LDLRAD3: variants seen among roughly 807,000 people sequenced by gnomAD.
The protein encoded by LDLRAD3 is low-density lipoprotein receptor class A domain-containing protein 3.
In LDLRAD3, 20 loss-of-function variants were observed where a neutral mutation model predicts 29.4. That is an observed-to-expected ratio of 0.68 (90% CI 0.48 to 0.99). The LOEUF (loss-of-function observed/expected upper bound fraction) is 0.99, where lower values mean the gene tolerates loss of function less well. Ranked by LOEUF, LDLRAD3 falls within the 50% of genes least tolerant of loss-of-function variation. The pLI is 0.00. For missense variants in LDLRAD3, 420 were observed against 454.3 expected (o/e 0.92, Z 0.69); for synonymous variants, 157 against 192.7 (o/e 0.81, Z 1.53).
intron 4 of LDLRAD3, among the ~76,000 whole-genome samples, chr11:36,211,774 C>G (rs2133382062): frequency 6.6e-6 from 1 of 152,304 alleles, no homozygotes; most frequent in Admixed American, 6.5e-5. Context: ...AGATTTTTCT[C>G]TCTCCAGTTT....
At chr11:36,214,379 A>G (rs918523565) in intron 4 of LDLRAD3, among the ~76,000 whole-genome samples, 3 of 152,188 alleles carry the variant, frequency 2.0e-5, no homozygotes, top group African/African-American at 7.2e-5. Context: ...GTCTGCCTGC[A>G]CTGGCCCCAC....
intron 3 of LDLRAD3, among the ~76,000 whole-genome samples, chr11:36,087,327 G>T (rs902335094): frequency 6.6e-6 from 1 of 152,150 alleles, no homozygotes; most frequent in African/African-American, 2.4e-5. Flanking sequence ...TTAATTGTAA[G>T]AATGATATTG....
chr11:36,151,193 A>G (rs941316396), intron 4 of LDLRAD3, among the ~76,000 whole-genome samples: 22 of 152,160 alleles, frequency 1.4e-4, no homozygotes, highest in African/African-American at 5.1e-4. Flanking sequence ...TCATGCTCAT[A>G]TCTGGGAATG....
chr11:36,012,318 A>AT (rs1554956812), intron 1 of LDLRAD3, among the ~76,000 whole-genome samples: 1 of 152,210 alleles, frequency 6.6e-6, no homozygotes, highest in Non-Finnish European at 1.5e-5. Flanking sequence ...ACTAGCACAA[A>AT]TTCTTTTTCC....
At chr11:36,076,631 C>G (rs1173408762) in intron 2 of LDLRAD3, among the ~76,000 whole-genome samples, 2 of 152,154 alleles carry the variant, frequency 1.3e-5, no homozygotes, top group Non-Finnish European at 2.9e-5. Flanking sequence ...TGTGATCCAC[C>G]CACCTCGGCC....
At chr11:36,152,630 G>A (rs1021892537) in intron 4 of LDLRAD3, among the ~76,000 whole-genome samples, 1 of 152,082 alleles carries the variant, frequency 6.6e-6, no homozygotes, top group African/African-American at 2.4e-5. Context: ...TTCTGGCTTT[G>A]TCTGCTTCCA....
intron 4 of LDLRAD3, among the ~76,000 whole-genome samples, chr11:36,187,832 C>G (rs1374928149): frequency 6.6e-6 from 1 of 152,178 alleles, no homozygotes; most frequent in African/African-American, 2.4e-5. Flanking sequence ...GGAGACAAGC[C>G]TCTGTCTCCT....
intron 1 of LDLRAD3, among the ~76,000 whole-genome samples, chr11:35,998,042 A>C (rs1851777455): frequency 1.3e-5 from 2 of 152,192 alleles, no homozygotes. Context: ...AGCCAGGGAC[A>C]GGGTCAGGGC....
At chr11:36,085,062 C>T (rs576485257) in intron 3 of LDLRAD3, among the ~76,000 whole-genome samples, 35 of 152,328 alleles carry the variant, frequency 2.3e-4, no homozygotes, top group Non-Finnish European at 3.5e-4. Context: ...GCCAAGTCTT[C>T]TTCTAGTATC....
At chr11:36,161,019 G>A (rs1351570396) in intron 4 of LDLRAD3, among the ~76,000 whole-genome samples, 3 of 152,026 alleles carry the variant, frequency 2.0e-5, no homozygotes, top group Non-Finnish European at 2.9e-5. Flanking sequence ...GGTCTTGAAC[G>A]CCTGACCTCA....
chr11:36,104,823 A>G (rs1853503169), intron 4 of LDLRAD3, among the ~76,000 whole-genome samples: 3 of 152,106 alleles, frequency 2.0e-5, no homozygotes, highest in Non-Finnish European at 4.4e-5. Flanking sequence ...TCATCACCCC[A>G]TAAGACTCCT....
intron 1 of LDLRAD3, among the ~76,000 whole-genome samples, chr11:35,992,671 AG>A (rs1383465998): frequency 3.3e-5 from 5 of 152,202 alleles, no homozygotes; most frequent in Admixed American, 3.3e-4. Context: ...GAAAGTAGAT[AG>A]GTGGTTGCCT....
chr11:36,181,993 A>G (rs1378425854), intron 4 of LDLRAD3, among the ~76,000 whole-genome samples: 1 of 152,178 alleles, frequency 6.6e-6, no homozygotes, highest in Non-Finnish European at 1.5e-5. Flanking sequence ...TCAGAAATAA[A>G]AAGTCAGACT....
At chr11:36,160,163 G>A (rs931256799) in intron 4 of LDLRAD3, among the ~76,000 whole-genome samples, 2 of 152,198 alleles carry the variant, frequency 1.3e-5, no homozygotes, top group African/African-American at 4.8e-5. Flanking sequence ...AATCTGTGTG[G>A]TGAATGAACG....
At chr11:36,037,579 C>T (rs920753333) in intron 2 of LDLRAD3, among the ~76,000 whole-genome samples, 4 of 152,186 alleles carry the variant, frequency 2.6e-5, no homozygotes, top group Admixed American at 2.0e-4. Flanking sequence ...TCCCAAAGTG[C>T]TGGGATTACA....
At chr11:36,131,898 T>G (rs1426081057) in intron 4 of LDLRAD3, among the ~76,000 whole-genome samples, 1 of 152,178 alleles carries the variant, frequency 6.6e-6, no homozygotes, top group East Asian at 1.9e-4. Context: ...GGGTGGTCTT[T>G]GTTTCGAGCA....
intron 1 of LDLRAD3, among the ~76,000 whole-genome samples, chr11:36,005,589 A>G (rs1405903404): frequency 2.0e-5 from 3 of 151,888 alleles, no homozygotes; most frequent in African/African-American, 4.8e-5. Context: ...AACTATTCCA[A>G]CCTCTGCCCA....
At chr11:36,000,779 C>G (rs560423193) in intron 1 of LDLRAD3, among the ~76,000 whole-genome samples, 2 of 152,086 alleles carry the variant, frequency 1.3e-5, no homozygotes, top group East Asian at 3.9e-4. Flanking sequence ...CATGACCCAT[C>G]CTCGGTGTGG....
At chr11:35,984,510 C>T (rs922313443) in intron 1 of LDLRAD3, among the ~76,000 whole-genome samples, 1 of 152,184 alleles carries the variant, frequency 6.6e-6, no homozygotes, top group Non-Finnish European at 1.5e-5. Flanking sequence ...AACAGGTCAT[C>T]TGTACCGCTT....
Sources: allele counts gnomAD v4.1 joint callset (sites outside exome capture counted in the v4.1 genomes callset), GRCh38; gene constraint gnomAD v4.1.1; transcripts MANE v1.5; gene names NCBI Gene and HGNC (gene_info 2026-07-23, HGNC 2026-07-21).